Variants in SHANK2 observed in about 807,000 individuals in gnomAD.
SHANK2 encodes SH3 and multiple ankyrin repeat domains protein 2.
Under a neutral mutation model 133.7 loss-of-function variants are expected in SHANK2, and 43 were observed. The ratio of observed to expected loss-of-function variants is 0.32; its 90% CI spans 0.25 to 0.41. The LOEUF is 0.41. Among genes scored for constraint, SHANK2 ranks in the 10% least tolerant of loss-of-function variants. The pLI is 1.00. For missense variants in SHANK2, 1,994 were observed against 2,235.8 expected (o/e 0.89, Z 2.18); for synonymous variants, 1,017 against 952.8 (o/e 1.07, Z -1.24).
At chr11:70,717,412 T>G (rs1394180151) in intron 14 of SHANK2, among the ~76,000 whole-genome samples, 1 of 152,194 alleles carries the variant, frequency 6.6e-6, no homozygotes. Flanking sequence ...AGAAGCCTGT[T>G]TCCTCCCGAA....
intron 17 of SHANK2, among the ~76,000 whole-genome samples, chr11:70,611,927 C>T (rs782044297): frequency 1.1e-4 from 16 of 145,932 alleles, no homozygotes; most frequent in African/African-American, 3.3e-4. Flanking sequence ...GAACGAGAAG[C>T]CTCGTTCCAA....
At chr11:70,849,982 C>T (rs1451896430) in intron 11 of SHANK2, among the ~76,000 whole-genome samples, 1 of 152,152 alleles carries the variant, frequency 6.6e-6, no homozygotes, top group Non-Finnish European at 1.5e-5. Context: ...ATGCTGTCCC[C>T]ATGAAACACA....
intron 1 of SHANK2, among the ~76,000 whole-genome samples, chr11:71,238,062 C>T (rs1441101862): frequency 6.6e-6 from 1 of 152,148 alleles, no homozygotes; most frequent in Non-Finnish European, 1.5e-5. Context: ...ACTCAGGGGG[C>T]CCCCAATGTT....
At chr11:70,782,589 C>G (rs1447854056) in intron 14 of SHANK2, among the ~76,000 whole-genome samples, 1 of 152,234 alleles carries the variant, frequency 6.6e-6, no homozygotes, top group Non-Finnish European at 1.5e-5. Flanking sequence ...AAAAGGCAAA[C>G]CACGCTGTGG....
At chr11:70,898,280 A>G (rs1590810013) in intron 10 of SHANK2, among the ~76,000 whole-genome samples, 1 of 110,910 alleles carries the variant, frequency 9.0e-6, no homozygotes, top group East Asian at 2.5e-4. Context: ...ATATACACAC[A>G]CGCACACACA....
chr11:70,920,479 G>C (rs1950334381), intron 10 of SHANK2, among the ~76,000 whole-genome samples: 1 of 152,038 alleles, frequency 6.6e-6, no homozygotes, highest in Admixed American at 6.5e-5. Flanking sequence ...TGTATAACTT[G>C]GTTTATAGAT....
intron 15 of SHANK2, chr11:70,662,040 G>GGCGGCGGCGGCA (rs1944559995): frequency 1.9e-6 from 1 of 513,872 alleles, no homozygotes; most frequent in African/African-American, 1.9e-5. Flanking sequence ...TGGCCCGAAC[G>GGCGGCGGCGGCA]GCGGCGGCGG....
In SHANK2 at chr11:70,486,715, C is replaced by T. The variant is rs1265413103; in HGVS notation, c.3578G>A (p.Ser1193Asn). ...ATAATTCCCGGGGCCGGCTGTGCCGCTGCTCGCGGAGGGCACTGCTGGGCT... is the reference window on the plus strand; with the variant it reads ...ATAATTCCCGGGGCCGGCTGTGCCGTTGCTCGCGGAGGGCACTGCTGGGCT... ...ESSPAVPSAS[S>N]GTAGPGNYVH... The change falls in exon 25 of 26, where the codon AGC becomes AAC. Residue 1193 changes from serine (S) to asparagine (N), a missense_variant. Physicochemically the swap from Ser to Asn is conservative, Grantham distance 46. Coordinates refer to ENST00000601538, the MANE Select transcript of SHANK2 (RefSeq NM_012309.5). This position sits in a 1 kb window ranked among gnomAD's most constrained non-coding sequence, Gnocchi z 8.0. 23 of 1,610,364 alleles carry T rather than the reference C, an allele frequency of 1.4e-5. No individual in the cohort carries two copies. In the Admixed American group the frequency reaches 3.8e-4, roughly 27 times the overall value.
chr11:70,874,524 T>C (rs568527098), intron 11 of SHANK2, among the ~76,000 whole-genome samples: 93 of 152,192 alleles, frequency 6.1e-4, no homozygotes, highest in African/African-American at 2.1e-3. Context: ...TTATTTTCAT[T>C]AACAGTCATG....
intron 1 of SHANK2, among the ~76,000 whole-genome samples, chr11:71,231,469 G>A (rs1307271500): frequency 2.0e-5 from 3 of 152,200 alleles, no homozygotes; most frequent in African/African-American, 7.2e-5. Flanking sequence ...CACGTTGCTG[G>A]TGGAAATACA....
chr11:70,541,145 G>A lies in SHANK2; in HGVS notation c.2062-38214C>T, dbSNP rs907411925. On this transcript the variant is annotated intron_variant, in intron 17 of 25. Coordinates refer to ENST00000601538, the MANE Select transcript of SHANK2 (RefSeq NM_012309.5). The stretch of plus-strand genomic sequence containing the variant: ...ATATCCTCAAGGGTCCTCCATAGGA[G>A]GCCTTTGTAGCCAGTGTCGGTTTTC... Among the ~76,000 whole-genome samples, 4 of 152,228 alleles carry A rather than the reference G, an allele frequency of 2.6e-5. No individual in the cohort carries two copies. In the East Asian group the frequency reaches 7.7e-4, roughly 29 times the overall value.
chr11:70,758,319 T>C (rs1472388638), intron 14 of SHANK2, among the ~76,000 whole-genome samples: 1 of 152,146 alleles, frequency 6.6e-6, no homozygotes, highest in Non-Finnish European at 1.5e-5. Context: ...TTGTTACGGC[T>C]CGAGGTGAGC....
intron 8 of SHANK2, among the ~76,000 whole-genome samples, chr11:71,085,799 A>T (rs1951389874): frequency 3.1e-5 from 2 of 65,264 alleles, no homozygotes; most frequent in African/African-American, 6.6e-5. Context: ...TATATGATAC[A>T]ACATAATATA....
intron 15 of SHANK2, chr11:70,662,088 C>T (rs1944562772): frequency 6.5e-6 from 3 of 464,894 alleles, no homozygotes; most frequent in Non-Finnish European, 8.0e-6. Flanking sequence ...CGGGAATGAG[C>T]TCCTCCGGCT....
At chr11:70,746,398 G>A (rs1946638564) in intron 14 of SHANK2, among the ~76,000 whole-genome samples, 1 of 149,764 alleles carries the variant, frequency 6.7e-6, no homozygotes, top group Non-Finnish European at 1.5e-5. Context: ...TCAGGGTGGG[G>A]GATGCAGGGT....
chr11:70,931,133 A>G (rs1423028274), intron 10 of SHANK2, among the ~76,000 whole-genome samples: 1 of 152,202 alleles, frequency 6.6e-6, no homozygotes, highest in African/African-American at 2.4e-5. Context: ...CACATGTTAC[A>G]TGATTCCATT....
intron 14 of SHANK2, among the ~76,000 whole-genome samples, chr11:70,728,071 G>T (rs1467260271): frequency 6.6e-6 from 1 of 152,246 alleles, no homozygotes; most frequent in Non-Finnish European, 1.5e-5. Context: ...CAAGCACCCA[G>T]TGTCAGGGCA....
intron 14 of SHANK2, among the ~76,000 whole-genome samples, chr11:70,769,925 C>T (rs1271940580): frequency 6.6e-6 from 1 of 152,188 alleles, no homozygotes; most frequent in East Asian, 1.9e-4. Context: ...CTGGGTCCTG[C>T]AGGTGCTGGA....
At chr11:70,919,153 C>A (rs539613786) in intron 10 of SHANK2, among the ~76,000 whole-genome samples, 4 of 152,218 alleles carry the variant, frequency 2.6e-5, no homozygotes, top group East Asian at 3.9e-4. Flanking sequence ...AACAACAGAG[C>A]AAGACCCTGT....
Sources: gnomAD v4.1 joint callset for allele counts (sites outside exome capture counted in the v4.1 genomes callset) on GRCh38, gnomAD v4.1.1 for gene constraint, Gnocchi (gnomAD v3.1) non-coding constraint, MANE v1.5 for transcripts, NCBI Gene and HGNC (gene_info 2026-07-23, HGNC 2026-07-21) for gene names.